AZU1: variants seen among roughly 807,000 people sequenced by gnomAD.
AZU1 encodes the protein azurocidin 1.
Under a neutral mutation model 17.8 loss-of-function variants are expected in AZU1, and 21 were observed. That is an observed-to-expected ratio of 1.18 (90% CI 0.84 to 1.70). The LOEUF (loss-of-function observed/expected upper bound fraction) is 1.70, where lower values mean the gene tolerates loss of function less well. Ranked by LOEUF, AZU1 falls within the 40% of genes most tolerant of loss-of-function variation. The pLI is 0.00. For synonymous variants in AZU1, 178 were observed against 155.2 expected, an observed-to-expected ratio of 1.15 and a Z score of -1.09; for missense variants, 379 against 362.9, an observed-to-expected ratio of 1.04 and a Z score of -0.36.
chr19:829,691 C>A lies in AZU1; in HGVS notation c.345C>A (p.Asp115Glu). 6.2e-7 allele frequency: 1 copy of A among 1,613,276 alleles called. No individual in the cohort carries two copies. Among genetic ancestry groups the A allele is most frequent in the East Asian group, 2.2e-5 (1 of 44,886 alleles). The part of the protein sequence containing the change: ...NGYDPQQNLN[D>E]LMLLQLDREA... ...ACGACCCCCAGCAGAACCTGAACGA[C>A]CTGATGCTGCTTCAGGTGAGAGGAT... The change falls in exon 3 of 5, where the codon GAC (aspartate) becomes GAA (glutamate). Residue 115 changes from aspartate (D) to glutamate (E), a missense_variant. Asp to Glu is a conservative substitution (Grantham distance 45). Coordinates refer to ENST00000233997, the MANE Select transcript of AZU1 (RefSeq NM_001700.5).
chr19:827,969 C>T, intron 1 of AZU1, 65 bp downstream of exon 1: 1 of 1,529,532 alleles, frequency 6.5e-7, no homozygotes. Flanking sequence ...GGGCAGAACT[C>T]AGACTTAAAG....
Position 830,722 on chromosome 19 carries a change from C to T in AZU1, c.375C>T (p.Ala125=). The T allele has an allele frequency of 6.4e-7, 1 of 1,574,308 alleles. No individual in the cohort carries two copies. Among genetic ancestry groups the T allele is most frequent in the Non-Finnish European group, 8.6e-7 (1 of 1,164,020 alleles). ...DLMLLQLDRE[A]NLTSSVTILP... ...TCCTTCCCCAGCTGGACCGTGAGGC[C>T]AACCTCACCAGCAGCGTGACGATAC... Residue 125 remains alanine, a synonymous_variant, in exon 4 of 5, where the codon GCC becomes GCT. Coordinates refer to ENST00000233997, the MANE Select transcript of AZU1 (RefSeq NM_001700.5).
Position 830,752 on chromosome 19 carries a change from A to G in AZU1, c.405A>G (p.Pro135=), listed in dbSNP as rs1341430595. 2 of 1,600,602 alleles carry G rather than the reference A, an allele frequency of 1.2e-6. No individual in the cohort carries two copies. Among genetic ancestry groups the G allele is most frequent in the Non-Finnish European group, 1.7e-6 (2 of 1,178,096 alleles). Residue 135 remains proline, a synonymous_variant, in exon 4 of 5, where the codon CCA becomes CCG. Transcript: ENST00000233997. ...TCACCAGCAGCGTGACGATACTGCC[A>G]CTGCCTCTGCAGAACGCCACGGTGG... ...ANLTSSVTIL[P]LPLQNATVEA...
Position 828,216 on chromosome 19 carries a change from T to C in AZU1, c.59-14T>C, listed in dbSNP as rs893621873. ...GATTCTTGGGGATCTCAGAGCTGTC[T>C]CCCCCCGACCCAGGCTCCAGCCCCC... On this transcript the variant is annotated splice_polypyrimidine_tract_variant and intron_variant, in intron 1 of 4. Coordinates refer to ENST00000233997, the MANE Select transcript of AZU1 (RefSeq NM_001700.5). 6.3e-7 allele frequency: 1 copy of C among 1,581,408 alleles called. No homozygotes were observed.
In AZU1 at chr19:828,332, G is replaced by A; in HGVS notation, c.161G>A (p.Gly54Asp). The A allele has an allele frequency of 6.2e-7, 1 of 1,610,686 alleles. No homozygotes were observed. The change falls in exon 2 of 5, where the codon GGT becomes GAT. Residue 54 changes from glycine to aspartate, a missense_variant. Coordinates refer to ENST00000233997, the MANE Select transcript of AZU1 (RefSeq NM_001700.5). ...AATCAAGGCAGGCACTTCTGCGGGG[G>A]TGCCCTGATCCATGCCCGCTTCGTG... ...IQNQGRHFCG[G>D]ALIHARFVMT...
chr19:831,608 G>T (rs901731184), intron 4 of AZU1, 108 bp from the exon 5 acceptor site: 5 of 1,250,706 alleles, frequency 4.0e-6, no homozygotes, highest in Non-Finnish European at 5.4e-6. Context: ...AGGCCCTGGG[G>T]CTGGATCAGG....
rs758446551 is a variant in AZU1, at chr19:828,379, CAAAGCCAG to C, written c.209_215+1del. ...CGTGATGACCGCGGCCAGCTGCTTCCAAAGCCAGTGAGGGGTCCTGGGGAGGGGGCCTA... is the reference window on the plus strand; with the variant it reads ...CGTGATGACCGCGGCCAGCTGCTTCCTGAGGGGTCCTGGGGAGGGGGCCTA... On this transcript the variant is annotated splice_donor_variant and coding_sequence_variant, in exon 2 of 5. Coordinates refer to ENST00000233997, the MANE Select transcript of AZU1 (RefSeq NM_001700.5). LOFTEE classifies it high-confidence loss of function. 1 of 1,583,438 alleles carries C rather than the reference CAAAGCCAG, an allele frequency of 6.3e-7. No homozygotes were observed. The highest frequency in any genetic ancestry group is 8.6e-7 in the Non-Finnish European group (1 of 1,163,558).
Position 827,915 on chromosome 19 carries a change from C to G in AZU1, c.58+11C>G. ...CGTCCTCGAGGGCCGGTGAGTGCCT[C>G]TCTGTGCCGGTGGTCCCCCATCTGT... On this transcript the variant is annotated intron_variant, in intron 1 of 4. Transcript: ENST00000233997. The G allele has an allele frequency of 7.8e-6, 12 of 1,536,908 alleles. No homozygotes were observed. The highest frequency in any genetic ancestry group is 1.0e-5 in the Non-Finnish European group (12 of 1,147,124).
chr19:828,355 G>A lies in AZU1; in HGVS notation c.184G>A (p.Val62Met), dbSNP rs754040928. Residue 62 changes from valine (V) to methionine (M), a missense_variant, in exon 2 of 5, where the codon GTG (valine) becomes ATG (methionine). Val to Met is a conservative substitution (Grantham distance 21). Coordinates refer to ENST00000233997, the MANE Select transcript of AZU1 (RefSeq NM_001700.5). Reference sequence around the variant, plus strand: ...GGGTGCCCTGATCCATGCCCGCTTCGTGATGACCGCGGCCAGCTGCTTCCA... The same window carrying A: ...GGGTGCCCTGATCCATGCCCGCTTCATGATGACCGCGGCCAGCTGCTTCCA... ...CGGALIHARF[V>M]MTAASCFQSQ... is the part of the protein sequence containing the mutation. 2.3e-5 allele frequency: 37 copies of A among 1,597,202 alleles called. No homozygotes were observed. Among genetic ancestry groups the A allele is most frequent in the South Asian group, 1.4e-4 (13 of 89,868 alleles).
chr19:829,422 T>C, intron 2 of AZU1, 140 bp from the exon 3 acceptor site: 4 of 1,217,734 alleles, frequency 3.3e-6, no homozygotes, highest in Non-Finnish European at 4.6e-6. Context: ...TCGGCTCTGC[T>C]TCTGTAAAAG....
chr19:827,942 C>G, intron 1 of AZU1, 38 bp downstream of exon 1: 1 of 1,535,426 alleles, frequency 6.5e-7, no homozygotes, highest in Non-Finnish European at 8.7e-7. Flanking sequence ...CCCATCTGTG[C>G]TAGGGCCCGG....
intron 2 of AZU1, 138 bp from the exon 3 acceptor site, chr19:829,424 C>A (rs2035258471): frequency 1.6e-6 from 2 of 1,233,410 alleles, no homozygotes; most frequent in African/African-American, 3.0e-5. Context: ...GGCTCTGCTT[C>A]TGTAAAAGCG....
chr19:829,062 C>G (rs113256983), intron 2 of AZU1, among the ~76,000 whole-genome samples: 4 of 26,230 alleles, frequency 1.5e-4, no homozygotes, highest in African/African-American at 3.5e-4. Context: ...TGGGGGAGGC[C>G]CAGGGAAGGG....
intron 2 of AZU1, 84 bp from the exon 3 acceptor site, chr19:829,478 C>G (rs1166634298): frequency 6.6e-7 from 1 of 1,507,542 alleles, no homozygotes; most frequent in Non-Finnish European, 9.0e-7. Flanking sequence ...AGGCTGGGAT[C>G]CCCCCTAATT....
chr19:829,483 C>G, intron 2 of AZU1, 79 bp from the exon 3 acceptor site: 1 of 1,535,414 alleles, frequency 6.5e-7, no homozygotes, highest in Non-Finnish European at 8.8e-7. Flanking sequence ...GGGATCCCCC[C>G]TAATTTGCAA....
At position 830,748 on chromosome 19, in the gene AZU1, T is replaced by C; in HGVS notation, c.401T>C (p.Leu134Pro). 1 of 1,597,272 alleles carries C rather than the reference T, an allele frequency of 6.3e-7. No homozygotes were observed. The highest frequency in any genetic ancestry group is 8.5e-7 in the Non-Finnish European group (1 of 1,176,036). Residue 134 changes from leucine to proline, a missense_variant, in exon 4 of 5, where the codon CTG becomes CCG. Coordinates refer to ENST00000233997, the MANE Select transcript of AZU1 (RefSeq NM_001700.5). ...AACCTCACCAGCAGCGTGACGATAC[T>C]GCCACTGCCTCTGCAGAACGCCACG... The part of the protein sequence containing the change: ...EANLTSSVTI[L>P]PLPLQNATVE...
At position 831,782 on chromosome 19, in the gene AZU1, C is replaced by G; in HGVS notation, c.661C>G (p.Pro221Ala). The change falls in exon 5 of 5, where the codon CCC (proline) becomes GCC (alanine). Residue 221 changes from proline (P) to alanine (A), a missense_variant. Transcript: ENST00000233997. ...CGGCGTGGCCTCCTTTTCCCTGGGG[C>G]CCTGTGGCCGAGGCCCTGACTTCTT... ...AHGVASFSLG[P>A]CGRGPDFFTR... 9 of 1,612,516 alleles carry G rather than the reference C, an allele frequency of 5.6e-6. No homozygotes were observed. Among genetic ancestry groups the G allele is most frequent in the Non-Finnish European group, 7.6e-6 (9 of 1,179,748 alleles).
chr19:831,519 G>T lies in AZU1; in HGVS notation c.595-197G>T, dbSNP rs917473645. ...GGGGCACCTGGCCCAGCCTGGAGGTGCCAGGAAGCTCCAGAAAGCAACTGA... is the reference window on the plus strand; with the variant it reads ...GGGGCACCTGGCCCAGCCTGGAGGTTCCAGGAAGCTCCAGAAAGCAACTGA... On this transcript the variant is annotated intron_variant, in intron 4 of 4. Transcript: ENST00000233997. The T allele has an allele frequency of 9.8e-6, 6 of 612,326 alleles. No individual in the cohort carries two copies. In the East Asian group the frequency reaches 1.5e-4, roughly 15 times the overall value. 37.9% of individuals were successfully genotyped at this position (612,326 alleles called of 1,614,324 possible).
chr19:827,956 C>T, intron 1 of AZU1, 52 bp downstream of exon 1: 1 of 1,533,112 alleles, frequency 6.5e-7, no homozygotes. Flanking sequence ...GGCCCGGCTG[C>T]CAGGGCAGAA....
Sources: allele counts gnomAD v4.1 joint callset (sites outside exome capture counted in the v4.1 genomes callset), GRCh38; gene constraint gnomAD v4.1.1; transcripts MANE v1.5; gene names NCBI Gene and HGNC (gene_info 2026-07-23, HGNC 2026-07-21).